Variants in PATJ observed in about 807,000 individuals in gnomAD.
PATJ encodes the protein PATJ crumbs cell polarity complex component.
A neutral mutation model predicts 224.9 loss-of-function variants in PATJ; 190 were observed. The observed-to-expected ratio is 0.84, with a 90% CI of 0.75 to 0.95. The LOEUF is 0.95. PATJ is among the 40% of genes least tolerant of loss of function. The pLI, the probability that PATJ is intolerant of heterozygous loss-of-function variation, is 0.00. For missense variants in PATJ, 2,121 were observed against 2,270.3 expected, an observed-to-expected ratio of 0.93 and a Z score of 1.34; for synonymous variants, 769 against 820.3, an observed-to-expected ratio of 0.94 and a Z score of 1.07.
At chr1:61,836,705 T>C (rs1335482255) in intron 17 of PATJ, among the ~76,000 whole-genome samples, 1 of 152,184 alleles carries the variant, frequency 6.6e-6, no homozygotes, top group African/African-American at 2.4e-5. Context: ...TTGTTGTAAT[T>C]AGGTAATAAA....
rs1317944762 is a variant in PATJ at position 62,084,604 on chromosome 1, T to A, written c.4333T>A (p.Ser1445Thr). The change falls in exon 33 of 44, where the codon TCA becomes ACA. Residue 1445 changes from serine to threonine, a missense_variant. Ser to Thr is a moderately conservative substitution (Grantham distance 58). Transcript: ENST00000642238. ...GATTATAGAAATATCCAAGGGACGT[T>A]CAGGGCTTGGTCTCAGCATTGTGGG... ...EMIIEISKGRSGLGLSIVGGK... is the reference protein window; with the variant it reads ...EMIIEISKGRTGLGLSIVGGK... The A allele has an allele frequency of 6.2e-7, 1 of 1,613,490 alleles. No homozygotes were observed. Among genetic ancestry groups the A allele is most frequent in the Non-Finnish European group, 8.5e-7 (1 of 1,179,766 alleles).
At chr1:62,051,773 G>A (rs1355945917) in intron 31 of PATJ, among the ~76,000 whole-genome samples, 1 of 152,186 alleles carries the variant, frequency 6.6e-6, no homozygotes, top group Non-Finnish European at 1.5e-5. Context: ...AGGGGCTAGG[G>A]CATTAGAAGA....
chr1:61,913,104 T>G (rs1672934766), intron 25 of PATJ, among the ~76,000 whole-genome samples: 1 of 152,206 alleles, frequency 6.6e-6, no homozygotes, highest in Admixed American at 6.5e-5. Context: ...CATTCTATAT[T>G]AAAAATGAAA....
chr1:61,798,709 T>C (rs996867910), intron 11 of PATJ, among the ~76,000 whole-genome samples: 2 of 151,584 alleles, frequency 1.3e-5, no homozygotes, highest in East Asian at 3.9e-4. Flanking sequence ...CTGGCCAACA[T>C]AGAGAGACCC....
At chr1:61,996,989 G>A (rs144989226) in intron 28 of PATJ, among the ~76,000 whole-genome samples, 1,590 of 152,002 alleles carry the variant, frequency 0.01, 31 homozygotes, top group African/African-American at 0.036. Context: ...TGATCTGCCC[G>A]CCTTGGCCTC....
intron 22 of PATJ, among the ~76,000 whole-genome samples, chr1:61,897,841 G>A (rs752237289): frequency 1.2e-5 from 1 of 82,240 alleles, no homozygotes; most frequent in South Asian, 5.0e-4. Context: ...ACCAGCAAGG[G>A]TCTGCCAAGT....
In PATJ at chr1:62,050,981, G is replaced by A. The variant is rs868249172; in HGVS notation, c.4048G>A (p.Glu1350Lys). The A allele has an allele frequency of 8.7e-6, 14 of 1,613,692 alleles. No homozygotes were observed. The highest frequency in any genetic ancestry group is 2.7e-5 in the African/African-American group (2 of 74,910). Residue 1350 changes from glutamate (E) to lysine (K), a missense_variant, in exon 31 of 44, where the codon GAA becomes AAA. Coordinates refer to ENST00000642238, the MANE Select transcript of PATJ (RefSeq NM_001350145.3). ...CGTTCCATAGGATCAGAGCGGCACC[G>A]AACCTATTAGTAGTGAGGAAGATGG... ...PSSIEDQSGT[E>K]PISSEEDGSV...
intron 22 of PATJ, among the ~76,000 whole-genome samples, chr1:61,890,147 T>A (rs1189572636): frequency 1.3e-5 from 2 of 152,162 alleles, no homozygotes; most frequent in Non-Finnish European, 2.9e-5. Flanking sequence ...TATCTATCTT[T>A]TGTCACCCGT....
chr1:61,823,201 A>G, intron 15 of PATJ, 122 bp downstream of exon 15: 1 of 979,260 alleles, frequency 1.0e-6, no homozygotes, highest in Non-Finnish European at 1.5e-6. Flanking sequence ...AGCCTCTTAG[A>G]TTGAAAAAAC....
chr1:62,126,835 T>TTG (rs145858789), intron 39 of PATJ, among the ~76,000 whole-genome samples: 12,970 of 151,344 alleles, frequency 0.086, 847 homozygotes, highest in African/African-American at 0.18. Flanking sequence ...GCATAGGGTG[T>TTG]TGTGTGTGTG....
At chr1:61,971,989 AAAAT>A (rs1018716506) in intron 27 of PATJ, among the ~76,000 whole-genome samples, 8 of 151,954 alleles carry the variant, frequency 5.3e-5, no homozygotes, top group Non-Finnish European at 1.2e-4. Context: ...ACCTTATCTC[AAAAT>A]AAATAAATAA....
chr1:62,024,262 T>G (rs1647335494), intron 29 of PATJ, among the ~76,000 whole-genome samples: 1 of 152,160 alleles, frequency 6.6e-6, no homozygotes, highest in African/African-American at 2.4e-5. Flanking sequence ...TGGAATAGTT[T>G]CAGTAAGATT....
At chr1:62,021,852 G>A (rs934567148) in intron 29 of PATJ, among the ~76,000 whole-genome samples, 4 of 152,084 alleles carry the variant, frequency 2.6e-5, no homozygotes, top group East Asian at 3.8e-4. Flanking sequence ...CCACAGATGC[G>A]ACTTTGTTTT....
At chr1:62,077,551 G>A (rs6673918) in intron 31 of PATJ, among the ~76,000 whole-genome samples, 303 of 151,790 alleles carry the variant, frequency 2.0e-3, no homozygotes, top group Middle Eastern at 3.4e-3. Context: ...TTAGCCAGGC[G>A]TGGTGGTGTG....
intron 31 of PATJ, among the ~76,000 whole-genome samples, chr1:62,062,596 C>T (rs1655750447): frequency 6.9e-6 from 1 of 145,526 alleles, no homozygotes; most frequent in African/African-American, 2.5e-5. Flanking sequence ...ACTCCTGGCA[C>T]AAGCAATCCT....
rs1180544696 is a variant in PATJ at position 62,144,769 on chromosome 1, A to ATATATATATATATATATATATAT, written c.5272-3515_5272-3514insTATATATATATATATATATATAT. Among the ~76,000 whole-genome samples, 128 of 58,608 alleles carry ATATATATATATATATATATATAT rather than the reference A, an allele frequency of 2.2e-3. 5 individuals are homozygous for ATATATATATATATATATATATAT. The highest frequency in any genetic ancestry group is 7.6e-3 in the African/African-American group (115 of 15,194). The allele number at this position is 58,608 out of a possible 152,430, so 38.4% of individuals were successfully genotyped here. A position where few individuals can be genotyped will look rare whatever the true frequency, so the allele number is the denominator to read the frequency against. On this transcript the variant is annotated intron_variant, in intron 41 of 43. Coordinates refer to ENST00000642238, the MANE Select transcript of PATJ (RefSeq NM_001350145.3). Reference sequence around the variant, plus strand: ...AAATGCTCTAGAATGTTATTTGCAAAAAAAAAAAATATATATATATATATA... The same window carrying ATATATATATATATATATATATAT: ...AAATGCTCTAGAATGTTATTTGCAAATATATATATATATATATATATATAAAAAAAAATATATATATATATATA...
chr1:61,749,125 G>A (rs1346235199), intron 1 of PATJ, among the ~76,000 whole-genome samples: 5 of 149,318 alleles, frequency 3.3e-5, no homozygotes, highest in Non-Finnish European at 7.4e-5. Flanking sequence ...TCAGGTGCCC[G>A]CCACCACGCC....
chr1:61,939,553 A>G (rs186620189), intron 27 of PATJ, among the ~76,000 whole-genome samples: 1 of 152,114 alleles, frequency 6.6e-6, no homozygotes, highest in East Asian at 1.9e-4. Context: ...TAACAATATT[A>G]ATCATCATTG....
At chr1:61,985,535 C>T (rs1644707517) in intron 27 of PATJ, among the ~76,000 whole-genome samples, 1 of 152,022 alleles carries the variant, frequency 6.6e-6, no homozygotes, top group Non-Finnish European at 1.5e-5. Context: ...CCATCCATCT[C>T]CAGAACTTTT....
Sources: gnomAD v4.1 joint callset for allele counts (sites outside exome capture counted in the v4.1 genomes callset) on GRCh38, gnomAD v4.1.1 for gene constraint, MANE v1.5 for transcripts, NCBI Gene and HGNC (gene_info 2026-07-23, HGNC 2026-07-21) for gene names.